DPP6: variants seen among roughly 807,000 people sequenced by gnomAD.
DPP6 encodes dipeptidyl peptidase like 6.
In DPP6, 69 loss-of-function variants were observed where a neutral mutation model predicts 122.6. The ratio of observed to expected loss-of-function variants is 0.56; its 90% confidence interval spans 0.46 to 0.69. DPP6 has a LOEUF of 0.69. Among genes scored for constraint, DPP6 ranks in the 30% least tolerant of loss-of-function variants. DPP6 has a pLI of 0.00. For synonymous variants in DPP6, 418 were observed against 433.1 expected, an observed-to-expected ratio of 0.97 and a Z score of 0.43; for missense variants, 928 against 1,116.9, an observed-to-expected ratio of 0.83 and a Z score of 2.41.
intron 1 of DPP6, among the ~76,000 whole-genome samples, chr7:154,061,606 ACTC>A: frequency 2.1e-5 from 3 of 140,930 alleles, no homozygotes; most frequent in African/African-American, 8.1e-5. Context: ...GGCTCTTGGG[ACTC>A]CCATCACAGG....
chr7:154,299,972 G>C (rs994323661), intron 1 of DPP6, among the ~76,000 whole-genome samples: 8 of 152,172 alleles, frequency 5.3e-5, no homozygotes, highest in East Asian at 1.9e-4. Flanking sequence ...ACATCTGGAG[G>C]GGGGAGAATG....
chr7:154,000,779 A>G (rs1044728072), intron 1 of DPP6, among the ~76,000 whole-genome samples: 1 of 152,074 alleles, frequency 6.6e-6, no homozygotes, highest in South Asian at 2.1e-4. Context: ...ACAGCACTCT[A>G]TGGCTAGAGG....
At chr7:153,860,175 T>C in the DPP6 span, among the ~76,000 whole-genome samples, 1 of 152,182 alleles carries the variant, frequency 6.6e-6, no homozygotes, top group Admixed American at 6.5e-5. Context: ...TTTCGAGATT[T>C]AAAAGTACAC....
At chr7:154,105,859 G>T (rs914421972) in intron 1 of DPP6, among the ~76,000 whole-genome samples, 10 of 151,744 alleles carry the variant, frequency 6.6e-5, no homozygotes, top group Admixed American at 5.9e-4. Flanking sequence ...ACCCAGTCTT[G>T]GGTATGTCTT....
At chr7:154,085,668 A>G (rs1804354100) in intron 1 of DPP6, among the ~76,000 whole-genome samples, 1 of 152,128 alleles carries the variant, frequency 6.6e-6, no homozygotes, top group Non-Finnish European at 1.5e-5. Context: ...TTAAAAAAGA[A>G]GCCATGGCTT....
At chr7:154,867,715 G>T (rs556912329) in intron 17 of DPP6, among the ~76,000 whole-genome samples, 41 of 152,276 alleles carry the variant, frequency 2.7e-4, no homozygotes, top group African/African-American at 9.4e-4. Context: ...TGCGTGTGAC[G>T]CCACGGAGAA....
chr7:154,551,784 G>A (rs1829656932), intron 4 of DPP6, among the ~76,000 whole-genome samples: 2 of 152,010 alleles, frequency 1.3e-5, no homozygotes, highest in African/African-American at 2.4e-5. Context: ...AAATGTATGG[G>A]AGCTGAGGGA....
intron 6 of DPP6, among the ~76,000 whole-genome samples, chr7:154,667,679 G>C (rs1838250790): frequency 6.6e-6 from 1 of 152,156 alleles, no homozygotes; most frequent in African/African-American, 2.4e-5. Flanking sequence ...GCTGAGGTCT[G>C]CCACTGCACT....
At chr7:153,951,835 G>A (rs1258034946) in intron 1 of DPP6, among the ~76,000 whole-genome samples, 1 of 152,048 alleles carries the variant, frequency 6.6e-6, no homozygotes, top group African/African-American at 2.4e-5. Context: ...CTGAGCTCAG[G>A]AGTTCAATAC....
chr7:154,524,780 A>G (rs1827270726), intron 3 of DPP6, among the ~76,000 whole-genome samples: 1 of 152,148 alleles, frequency 6.6e-6, no homozygotes, highest in Non-Finnish European at 1.5e-5. Context: ...GAAAAATTAG[A>G]TGGAAAAGGG....
intron 1 of DPP6, among the ~76,000 whole-genome samples, chr7:154,206,705 C>G (rs561036986): frequency 6.6e-6 from 1 of 152,062 alleles, no homozygotes; most frequent in Non-Finnish European, 1.5e-5. Context: ...GAAAAAAATG[C>G]ATGTGATACG....
chr7:153,865,650 T>C, the DPP6 span, among the ~76,000 whole-genome samples: 3 of 152,354 alleles, frequency 2.0e-5, no homozygotes, highest in Admixed American at 2.0e-4. Context: ...TAGTGTATTT[T>C]TTAAATTTTA....
chr7:154,052,671 C>A lies in DPP6; in HGVS notation c.-150C>A, dbSNP rs1418515561. The A allele has an allele frequency of 8.3e-7, 1 of 1,211,978 alleles. No individual in the cohort carries two copies. The highest frequency in any genetic ancestry group is 1.0e-6 in the Non-Finnish European group (1 of 963,460). The allele number at this position is 1,211,978 out of a possible 1,614,324, so 75.1% of individuals were successfully genotyped here. A position where few individuals can be genotyped will look rare whatever the true frequency, so the allele number is the denominator to read the frequency against. On this transcript the variant is annotated 5_prime_UTR_variant, in exon 1 of 26. Coordinates refer to ENST00000377770, the MANE Select transcript of DPP6 (RefSeq NM_130797.4). This position sits in a 1 kb window ranked among gnomAD's most constrained non-coding sequence, Gnocchi z 4.8. Reference sequence around the variant, plus strand: ...AGTGGCGCGCGGGAGGAGCGGCCGCCGGCGCTGGGCTTGCCTTGCTGCTGC... The same window carrying A: ...AGTGGCGCGCGGGAGGAGCGGCCGCAGGCGCTGGGCTTGCCTTGCTGCTGC...
At chr7:154,772,058 C>T (rs968811693) in intron 9 of DPP6, among the ~76,000 whole-genome samples, 1 of 152,092 alleles carries the variant, frequency 6.6e-6, no homozygotes, top group African/African-American at 2.4e-5. Flanking sequence ...GTAGGGTGCC[C>T]TTGATTTTAC....
chr7:154,714,704 G>A (rs1313992823), intron 7 of DPP6, among the ~76,000 whole-genome samples: 1 of 152,124 alleles, frequency 6.6e-6, no homozygotes, highest in East Asian at 1.9e-4. Context: ...ATGAGATTTG[G>A]GTGGAGACAC....
rs572478209 is a variant in DPP6 at position 154,240,039 on chromosome 7, G to C, written c.243+186976G>C. 2.9e-3 allele frequency among the ~76,000 whole-genome samples: 330 copies of C among 114,716 alleles called. 4 individuals carry two copies. The highest frequency in any genetic ancestry group is 9.6e-3 in the African/African-American group (301 of 31,484). The allele number at this position is 114,716 out of a possible 152,430, so 75.3% of individuals were successfully genotyped here. A position where few individuals can be genotyped will look rare whatever the true frequency, so the allele number is the denominator to read the frequency against. ...AAAAAAAAAAAAAAAAAAAAAAAAA[G>C]TGATACAAGGATTTTCAGCTGCTCG... On this transcript the variant is annotated intron_variant, in intron 1 of 25. Transcript: ENST00000377770.
upstream of DPP6, among the ~76,000 whole-genome samples, chr7:153,884,030 C>CT (rs1448030806): frequency 2.0e-5 from 3 of 152,090 alleles, no homozygotes; most frequent in Non-Finnish European, 4.4e-5. Context: ...TATATATAAA[C>CT]TTTAAGTTCT....
At chr7:154,630,740 C>T (rs1379618600) in intron 5 of DPP6, among the ~76,000 whole-genome samples, 1 of 151,958 alleles carries the variant, frequency 6.6e-6, no homozygotes, top group African/African-American at 2.4e-5. Context: ...ACAATAAGAA[C>T]ACATGGACAC....
intron 8 of DPP6, among the ~76,000 whole-genome samples, chr7:154,757,967 T>TC (rs924961151): frequency 5.9e-5 from 9 of 151,646 alleles, no homozygotes; most frequent in Non-Finnish European, 1.0e-4. Flanking sequence ...TGCCGCGCTC[T>TC]CCCCCCCGCC....
Sources: allele counts gnomAD v4.1 joint callset (sites outside exome capture counted in the v4.1 genomes callset), GRCh38; gene constraint gnomAD v4.1.1; non-coding constraint Gnocchi (gnomAD v3.1); transcripts MANE v1.5; gene names NCBI Gene and HGNC (gene_info 2026-07-23, HGNC 2026-07-21).